Variants in PHTF1 observed in about 807,000 individuals in gnomAD.
The protein encoded by PHTF1 is putative homeodomain transcription factor 1.
Under a neutral mutation model 102.4 loss-of-function variants are expected in PHTF1, and 88 were observed. The ratio of observed to expected loss-of-function variants is 0.86; its 90% confidence interval spans 0.72 to 1.03. The LOEUF is 1.03. Among genes scored for constraint, PHTF1 ranks in the 50% least tolerant of loss-of-function variants. The pLI, the probability that PHTF1 is intolerant of heterozygous loss-of-function variation, is 0.00. For synonymous variants in PHTF1, 289 were observed against 305.2 expected (o/e 0.95, Z 0.55); for missense variants, 814 against 909.5 (o/e 0.89, Z 1.35).
chr1:113,705,625 G>A, intron 13 of PHTF1: 1 of 323,326 alleles, frequency 3.1e-6, no homozygotes, highest in Non-Finnish European at 5.8e-6. Flanking sequence ...ACACTGAGGT[G>A]CAGATGCTAA....
At chr1:113,738,883 C>T in intron 3 of PHTF1, 84 bp from the exon 4 acceptor site, 2 of 955,798 alleles carry the variant, frequency 2.1e-6, no homozygotes, top group Non-Finnish European at 1.6e-6. Flanking sequence ...CACAGTTTCG[C>T]TCTTGTAGCC....
intron 7 of PHTF1, among the ~76,000 whole-genome samples, chr1:113,720,767 C>T (rs939547913): frequency 2.0e-5 from 3 of 152,186 alleles, no homozygotes; most frequent in Non-Finnish European, 2.9e-5. Context: ...ACTCTATGTG[C>T]GGGTGCCCAC....
In PHTF1 at chr1:113,758,692, A is replaced by G; in HGVS notation, c.12T>C (p.Asn4=). 1 of 1,610,334 alleles carries G rather than the reference A, an allele frequency of 6.2e-7. No homozygotes were observed. The highest frequency in any genetic ancestry group is 1.1e-5 in the South Asian group (1 of 90,758). The change falls in exon 2 of 19, where the codon AAT becomes AAC. Residue 4 remains asparagine (N), a synonymous_variant. Transcript: ENST00000369604. ...GGTACCACGATATAGCATCTCTCTC[A>G]TTTGAGGCCATCTGTGTCTCCAGCC... MAS[N]ERDAISWYQK... is the part of the protein sequence containing the mutation.
intron 1 of PHTF1, 29 bp downstream of exon 1, chr1:113,758,994 T>A: frequency 1.9e-6 from 2 of 1,064,672 alleles, no homozygotes; most frequent in Non-Finnish European, 2.3e-6. Context: ...GGCACCCGCC[T>A]CCTTCGCTCG....
chr1:113,707,742 T>C (rs1356722806), intron 11 of PHTF1, among the ~76,000 whole-genome samples: 1 of 152,178 alleles, frequency 6.6e-6, no homozygotes, highest in Admixed American at 6.5e-5. Flanking sequence ...GAGAACAAGA[T>C]AGATGTCCTT....
Position 113,725,004 on chromosome 1 carries a change from A to C in PHTF1, c.489-111T>G, listed in dbSNP as rs983585991. 3 of 739,346 alleles carry C rather than the reference A, an allele frequency of 4.1e-6. No individual in the cohort carries two copies. In the African/African-American group the frequency reaches 5.4e-5, roughly 13 times the overall value. The allele number at this position is 739,346 out of a possible 1,614,324, so 45.8% of individuals were successfully genotyped here. On this transcript the variant is annotated intron_variant, in intron 6 of 18. Transcript: ENST00000369604. ...CAAATTACTACCTTAAATCAAGTAT[A>C]GTTTAACTTCATATTCTGCGGATAA...
rs777000065 is a variant in PHTF1, at chr1:113,697,709, G to GATTTA, written c.2280_2284dup (p.Ser762LeufsTer79). ...GAGTCCAGGCATTTACTCAGCTTAT[G>GATTTA]ATTTAATTTTCCACAGCTAAGAGAA... On this transcript the variant is annotated frameshift_variant, in exon 19 of 19. Coordinates refer to ENST00000369604, the MANE Select transcript of PHTF1 (RefSeq NM_001323043.2). LOFTEE classifies it high-confidence loss of function. 1.1e-5 allele frequency: 17 copies of GATTTA among 1,604,658 alleles called. No homozygotes were observed. Among genetic ancestry groups the GATTTA allele is most frequent in the Non-Finnish European group, 1.5e-5 (17 of 1,171,726 alleles).
At chr1:113,718,662 G>A (rs372564968) in intron 7 of PHTF1, among the ~76,000 whole-genome samples, 7 of 152,232 alleles carry the variant, frequency 4.6e-5, no homozygotes, top group Non-Finnish European at 5.9e-5. Flanking sequence ...CTGCAGGCTC[G>A]ATACCACGTA....
intron 5 of PHTF1, among the ~76,000 whole-genome samples, chr1:113,737,645 A>C (rs922179161): frequency 6.6e-6 from 1 of 152,134 alleles, no homozygotes; most frequent in Admixed American, 6.6e-5. Flanking sequence ...AAAAAAATAC[A>C]AAAATTAGCC....
At chr1:113,702,494 G>T (rs1649556869) in intron 15 of PHTF1, among the ~76,000 whole-genome samples, 1 of 151,988 alleles carries the variant, frequency 6.6e-6, no homozygotes, top group African/African-American at 2.4e-5. Context: ...TCTCATGCCT[G>T]TAATCCCAGC....
chr1:113,700,874 G>C lies in PHTF1; in HGVS notation c.1966C>G (p.Leu656Val). 2 of 1,612,354 alleles carry C rather than the reference G, an allele frequency of 1.2e-6. No individual in the cohort carries two copies. The highest frequency in any genetic ancestry group is 1.7e-6 in the Non-Finnish European group (2 of 1,179,314). ...EFLIWETALL[L>V]FLLRLASLGS... is the part of the protein sequence containing the mutation. ...AGTGAGGCCAGACGCAATAAAAAAAGTAGTAAAGCTGTTTCCCAGATCAAA... is the reference window on the plus strand; with the variant it reads ...AGTGAGGCCAGACGCAATAAAAAAACTAGTAAAGCTGTTTCCCAGATCAAA... The change falls in exon 16 of 19, where the codon CTT becomes GTT. Residue 656 changes from leucine (L) to valine (V), a missense_variant. Leu to Val is a conservative substitution (Grantham distance 32). Transcript: ENST00000369604.
chr1:113,704,612 G>A (rs1343570385), intron 14 of PHTF1, 54 bp downstream of exon 14: 6 of 1,340,228 alleles, frequency 4.5e-6, no homozygotes, highest in Non-Finnish European at 6.2e-6. Context: ...GCTGCCAGGA[G>A]CTTCAGTGAG....
intron 5 of PHTF1, among the ~76,000 whole-genome samples, chr1:113,727,858 A>C (rs1654077519): frequency 6.6e-6 from 1 of 152,060 alleles, no homozygotes; most frequent in East Asian, 1.9e-4. Context: ...TCCCACTCCA[A>C]GCCTACTCAG....
intron 7 of PHTF1, chr1:113,714,381 G>A (rs1169731324): frequency 6.6e-6 from 1 of 151,998 alleles, no homozygotes; most frequent in Non-Finnish European, 1.5e-5. Context: ...GACGCACTCT[G>A]GGCCAGAGGG....
Position 113,704,793 on chromosome 1 carries a change from A to T in PHTF1, c.1676T>A (p.Phe559Tyr). 1 of 1,587,268 alleles carries T rather than the reference A, an allele frequency of 6.3e-7. No individual in the cohort carries two copies. The highest frequency in any genetic ancestry group is 8.6e-7 in the Non-Finnish European group (1 of 1,161,204). Residue 559 changes from phenylalanine (F) to tyrosine (Y), a missense_variant, in exon 14 of 19, where the codon TTT becomes TAT. By Grantham distance (22) the Phe-to-Tyr change is conservative. Transcript: ENST00000369604. ...CVAERTYKQR[F>Y]LFAKLFSHIT... Reference sequence around the variant, plus strand: ...ATGGCTGAAGAGTTTTGCAAATAAAAATCTCTAGAAGAGATTTAAAAAAAA... The same window carrying T: ...ATGGCTGAAGAGTTTTGCAAATAAATATCTCTAGAAGAGATTTAAAAAAAA...
rs918074397 is a variant in PHTF1, at chr1:113,697,580, C to T, written c.*125G>A. 6.0e-6 allele frequency: 4 copies of T among 670,418 alleles called. No individual in the cohort carries two copies. The highest frequency in any genetic ancestry group is 8.0e-6 in the Non-Finnish European group (3 of 374,534). The allele number at this position is 670,418 out of a possible 1,614,324, so 41.5% of individuals were successfully genotyped here. A position where few individuals can be genotyped will look rare whatever the true frequency, so the allele number is the denominator to read the frequency against. Reference sequence around the variant, plus strand: ...CGGAAACACCATTCATTCGCTTTGGCAGAGCTGAGAGCACCTGTGCATGTG... The same window carrying T: ...CGGAAACACCATTCATTCGCTTTGGTAGAGCTGAGAGCACCTGTGCATGTG... On this transcript the variant is annotated 3_prime_UTR_variant, in exon 19 of 19. Coordinates refer to ENST00000369604, the MANE Select transcript of PHTF1 (RefSeq NM_001323043.2).
At chr1:113,738,871 G>A (rs1383955061) in intron 3 of PHTF1, 72 bp from the exon 4 acceptor site, 1 of 1,136,724 alleles carries the variant, frequency 8.8e-7, no homozygotes, top group Non-Finnish European at 1.3e-6. Flanking sequence ...TTATTTTTGA[G>A]ACACAGTTTC....
chr1:113,710,753 T>C (rs1170445082), intron 10 of PHTF1, among the ~76,000 whole-genome samples: 1 of 149,810 alleles, frequency 6.7e-6, no homozygotes, highest in Non-Finnish European at 1.5e-5. Context: ...CTCAGCCTCC[T>C]GAGTAGCTGG....
chr1:113,758,761 A>C, intron 1 of PHTF1, 28 bp from the exon 2 acceptor site: 1 of 1,590,720 alleles, frequency 6.3e-7, no homozygotes, highest in Non-Finnish European at 8.6e-7. Context: ...CCAATCGGTG[A>C]GTCCAGCTGC....
Sources: allele counts gnomAD v4.1 joint callset (sites outside exome capture counted in the v4.1 genomes callset), GRCh38; gene constraint gnomAD v4.1.1; transcripts MANE v1.5; gene names NCBI Gene and HGNC (gene_info 2026-07-23, HGNC 2026-07-21).